Variants in UBE2F observed in about 807,000 individuals in gnomAD.
The protein encoded by UBE2F is NEDD8-conjugating enzyme UBE2F.
UBE2F carries 5 observed loss-of-function variants against 29.6 expected under a neutral mutation model. The ratio of observed to expected loss-of-function variants is 0.17; its 90% CI spans 0.09 to 0.36. The LOEUF is 0.36. Among genes scored for constraint, UBE2F ranks in the 10% least tolerant of loss-of-function variants. UBE2F has a pLI of 1.00. For synonymous variants in UBE2F, 66 were observed against 81.8 expected (o/e 0.81, Z 1.04); for missense variants, 141 against 228.5 (o/e 0.62, Z 2.47).
At chr2:238,020,305 G>A (rs2064262936) in intron 5 of UBE2F, among the ~76,000 whole-genome samples, 2 of 152,150 alleles carry the variant, frequency 1.3e-5, no homozygotes, top group Admixed American at 1.3e-4. Context: ...TACAAACTTA[G>A]TGTAGAAAAG....
At chr2:238,017,655 G>A (rs982506304) in intron 5 of UBE2F, among the ~76,000 whole-genome samples, 5 of 152,280 alleles carry the variant, frequency 3.3e-5, no homozygotes, top group South Asian at 2.1e-4. Flanking sequence ...AGGGGTTGAC[G>A]TACAGGCAGT....
At chr2:237,993,840 G>T (rs2063636632) in intron 3 of UBE2F, among the ~76,000 whole-genome samples, 1 of 152,164 alleles carries the variant, frequency 6.6e-6, no homozygotes, top group African/African-American at 2.4e-5. Context: ...GAAGGAGATG[G>T]GTGGGATGCA....
intron 1 of UBE2F, chr2:237,968,910 G>T: frequency 1.1e-6 from 1 of 895,168 alleles, no homozygotes; most frequent in Non-Finnish European, 1.3e-6. Flanking sequence ...GCAACTGCAG[G>T]TATTCAGCTA....
At chr2:237,973,918 C>A (rs1188110316) in intron 2 of UBE2F, among the ~76,000 whole-genome samples, 1 of 151,970 alleles carries the variant, frequency 6.6e-6, no homozygotes, top group Non-Finnish European at 1.5e-5. Flanking sequence ...GTCATAAGAC[C>A]TATAAAAGAT....
chr2:237,970,259 A>G (rs2063147807), intron 1 of UBE2F, among the ~76,000 whole-genome samples: 1 of 152,156 alleles, frequency 6.6e-6, no homozygotes, highest in Non-Finnish European at 1.5e-5. Context: ...TAGCTGCTTT[A>G]GGAGGTGGAG....
Position 238,037,429 on chromosome 2 carries a change from A to T in UBE2F, c.507+1489A>T, listed in dbSNP as rs1189460810. Among the ~76,000 whole-genome samples the T allele has an allele frequency of 2.0e-5, 3 of 152,250 alleles. 1 individual carries two copies. Among genetic ancestry groups the T allele is most frequent in the South Asian group, 4.1e-4 (2 of 4,832 alleles). On this transcript the variant is annotated intron_variant, in intron 9 of 9. Transcript: ENST00000272930. ...ATGACTTTACCATTGGCCCAGTGCA[A>T]AGCACATGGAGCAGGAGCCTGCAGA...
In UBE2F at chr2:237,967,151, GC is replaced by G. The variant is rs1419684205; in HGVS notation, c.-17+20del. 2.5e-6 allele frequency: 3 copies of G among 1,214,788 alleles called. No individual in the cohort carries two copies. Among genetic ancestry groups the G allele is most frequent in the Non-Finnish European group, 3.1e-6 (3 of 975,690 alleles). 75.3% of individuals were successfully genotyped at this position (1,214,788 alleles called of 1,614,324 possible). ...AGCCCAGGTGAGGAGCGACCGTGCG[GC>G]TCTGCGGCGGGGCGAGGTGCGGCCG... On this transcript the variant is annotated intron_variant, in intron 1 of 9. Transcript: ENST00000272930. The surrounding 1 kb of genome is among the most constrained non-coding windows in gnomAD (Gnocchi z 6.3).
chr2:237,984,136 G>A (rs1197447712), intron 2 of UBE2F, among the ~76,000 whole-genome samples: 1 of 150,960 alleles, frequency 6.6e-6, no homozygotes, highest in Non-Finnish European at 1.5e-5. Flanking sequence ...CCGCATCCCA[G>A]CACATCACCT....
intron 4 of UBE2F, among the ~76,000 whole-genome samples, chr2:238,004,558 G>T (rs1197862044): frequency 1.3e-5 from 2 of 151,880 alleles, no homozygotes; most frequent in Non-Finnish European, 2.9e-5. Flanking sequence ...ATTCATTTGG[G>T]GATATCCAAC....
Position 237,985,097 on chromosome 2 carries a change from G to T in UBE2F, c.119-2866G>T, listed in dbSNP as rs182221027. Among the ~76,000 whole-genome samples, 3 of 152,064 alleles carry T rather than the reference G, an allele frequency of 2.0e-5. No individual in the cohort carries two copies. The East Asian group carries it at 5.8e-4, about 29-fold the overall frequency. ...AATCCTCCTGCCTCGGCCTCCCAAA[G>T]CACTGGGATTACAGGCATTAGCCAC... is the stretch of plus-strand genomic sequence containing the variant. On this transcript the variant is annotated intron_variant, in intron 2 of 9. Coordinates refer to ENST00000272930, the MANE Select transcript of UBE2F (RefSeq NM_080678.3).
chr2:238,026,723 G>A (rs1262871274), intron 6 of UBE2F, among the ~76,000 whole-genome samples: 2 of 152,134 alleles, frequency 1.3e-5, no homozygotes, highest in African/African-American at 2.4e-5. Context: ...GTGAGCCACC[G>A]CGCCGGGCCG....
chr2:238,027,954 C>T (rs556525780), intron 6 of UBE2F, among the ~76,000 whole-genome samples: 4 of 152,204 alleles, frequency 2.6e-5, no homozygotes, highest in African/African-American at 9.6e-5. Context: ...GTCAGAGGCT[C>T]CATGTCTGTG....
intron 3 of UBE2F, among the ~76,000 whole-genome samples, chr2:237,991,536 T>A (rs552005472): frequency 9.9e-5 from 15 of 151,856 alleles, no homozygotes; most frequent in Admixed American, 6.6e-4. Flanking sequence ...TTCTGGTGCA[T>A]TGAACTGGAA....
chr2:237,981,510 T>C (rs957805885), intron 2 of UBE2F, among the ~76,000 whole-genome samples: 3 of 152,056 alleles, frequency 2.0e-5, no homozygotes, highest in South Asian at 2.1e-4. Flanking sequence ...GGTGGGATCA[T>C]TGGTAGGCTG....
chr2:237,978,885 C>T (rs558368845), intron 2 of UBE2F, among the ~76,000 whole-genome samples: 3 of 152,328 alleles, frequency 2.0e-5, no homozygotes, highest in East Asian at 1.9e-4. Flanking sequence ...GTCCATGGTG[C>T]TCCCTACCCC....
rs549055639 is a variant in UBE2F at position 237,968,105 on chromosome 2, G to A, written c.-17+973G>A. 1.2e-4 allele frequency among the ~76,000 whole-genome samples: 19 copies of A among 152,258 alleles called. No homozygotes were observed. The South Asian group carries it at 3.5e-3, about 28-fold the overall frequency. On this transcript the variant is annotated intron_variant, in intron 1 of 9. Coordinates refer to ENST00000272930, the MANE Select transcript of UBE2F (RefSeq NM_080678.3). ...AATAGAAGCTTCTGGAAATGAACAG[G>A]GTGTTGTGAAGGAACAAAGAGGAAA...
rs866413380 is a variant in UBE2F at position 237,972,545 on chromosome 2, T to C, written c.-16-547T>C. On this transcript the variant is annotated intron_variant, in intron 1 of 9. Transcript: ENST00000272930. The stretch of plus-strand genomic sequence containing the variant: ...CATGACTCTTTTTAATTTTAAATTT[T>C]TTTTTTTTTTTTTTTTTTTTTTTGA... 4.9e-3 allele frequency among the ~76,000 whole-genome samples: 209 copies of C among 42,806 alleles called. 1 individual carries two copies. The highest frequency in any genetic ancestry group is 0.012 in the African/African-American group (166 of 14,390). 28.1% of individuals were successfully genotyped at this position (42,806 alleles called of 152,430 possible).
At chr2:237,989,351 A>T (rs972551851) in intron 3 of UBE2F, among the ~76,000 whole-genome samples, 3 of 152,074 alleles carry the variant, frequency 2.0e-5, no homozygotes, top group African/African-American at 7.2e-5. Flanking sequence ...AATGTTTCTT[A>T]AAAAATTATT....
chr2:237,970,907 T>A (rs1379993476), intron 1 of UBE2F, among the ~76,000 whole-genome samples: 1 of 152,154 alleles, frequency 6.6e-6, no homozygotes, highest in East Asian at 1.9e-4. Context: ...GAGATGGGGT[T>A]TTGCCATGTT....
Sources: gnomAD v4.1 joint callset for allele counts (sites outside exome capture counted in the v4.1 genomes callset) on GRCh38, gnomAD v4.1.1 for gene constraint, Gnocchi (gnomAD v3.1) non-coding constraint, MANE v1.5 for transcripts, NCBI Gene and HGNC (gene_info 2026-07-23, HGNC 2026-07-21) for gene names.